EXOC4: variants seen among roughly 807,000 people sequenced by gnomAD.
EXOC4 encodes the protein exocyst complex component 4.
A neutral mutation model predicts 107.2 loss-of-function variants in EXOC4; 71 were observed. That is an observed-to-expected ratio of 0.66 (90% confidence interval 0.55 to 0.81). The LOEUF is 0.81. Ranked by LOEUF, EXOC4 falls within the 30% of genes least tolerant of loss-of-function variation. The pLI is 0.00. For missense variants in EXOC4, 1,108 were observed against 1,189.6 expected (o/e 0.93, Z 1.01); for synonymous variants, 456 against 441.2 (o/e 1.03, Z -0.42).
intron 6 of EXOC4, among the ~76,000 whole-genome samples, chr7:133,372,138 C>T (rs2150685208): frequency 6.6e-6 from 1 of 152,246 alleles, no homozygotes; most frequent in East Asian, 1.9e-4. Flanking sequence ...TAATGATTTA[C>T]AAATATTTTC....
At chr7:134,007,954 G>A in intron 17 of EXOC4, 119 bp downstream of exon 17, 3 of 922,314 alleles carry the variant, frequency 3.3e-6, no homozygotes, top group Non-Finnish European at 4.7e-6. Context: ...AAAGAAAGAA[G>A]CACAGATAGA....
rs751410958 is a variant in EXOC4, at chr7:133,629,467, C to T, written c.1418-578C>T. ...AGCCTTGCACTGTTCCTTTAAATGT[C>T]GCATTTATTCTTACTGTGAGTCCAT... is the stretch of plus-strand genomic sequence containing the variant. On this transcript the variant is annotated intron_variant, in intron 9 of 17. Transcript: ENST00000253861. Among the ~76,000 whole-genome samples the T allele has an allele frequency of 7.2e-5, 11 of 152,112 alleles. No individual in the cohort carries two copies. In the East Asian group the frequency reaches 7.7e-4, roughly 11 times the overall value.
intron 7 of EXOC4, among the ~76,000 whole-genome samples, chr7:133,381,065 G>GTT (rs2150700845): frequency 6.6e-6 from 1 of 152,054 alleles, no homozygotes; most frequent in South Asian, 2.1e-4. Flanking sequence ...TCTGTTGATT[G>GTT]TTTCTTAACT....
intron 9 of EXOC4, among the ~76,000 whole-genome samples, chr7:133,581,583 C>A (rs905863679): frequency 7.3e-5 from 11 of 151,220 alleles, no homozygotes; most frequent in African/African-American, 1.9e-4. Flanking sequence ...ACGGTGAAAC[C>A]CCGTCTCTAC....
intron 11 of EXOC4, among the ~76,000 whole-genome samples, chr7:133,846,575 T>C (rs1248016958): frequency 6.6e-6 from 1 of 152,250 alleles, no homozygotes; most frequent in East Asian, 1.9e-4. Flanking sequence ...TACTTTTGTT[T>C]CTAGGAATTC....
chr7:133,479,920 C>A, intron 8 of EXOC4, 130 bp from the exon 9 acceptor site: 2 of 768,232 alleles, frequency 2.6e-6, no homozygotes, highest in Admixed American at 2.1e-5. Context: ...CATGGTATAG[C>A]CAAAGTGTCT....
chr7:133,401,844 G>T (rs775573940), intron 7 of EXOC4, among the ~76,000 whole-genome samples: 1 of 151,784 alleles, frequency 6.6e-6, no homozygotes, highest in African/African-American at 2.4e-5. Context: ...TATTTTAATA[G>T]ATGTGCTATT....
At chr7:133,734,863 T>C (rs575686295) in intron 10 of EXOC4, among the ~76,000 whole-genome samples, 8 of 151,774 alleles carry the variant, frequency 5.3e-5, no homozygotes, top group African/African-American at 1.9e-4. Context: ...TCATGCAACT[T>C]TTTGAAATAT....
chr7:133,637,382 A>C (rs997040527), intron 10 of EXOC4, among the ~76,000 whole-genome samples: 1 of 152,136 alleles, frequency 6.6e-6, no homozygotes, highest in African/African-American at 2.4e-5. Context: ...TACCCATGTC[A>C]GTTTGATGTG....
At chr7:133,578,957 C>T (rs1190736018) in intron 9 of EXOC4, among the ~76,000 whole-genome samples, 2 of 152,062 alleles carry the variant, frequency 1.3e-5, no homozygotes, top group Non-Finnish European at 2.9e-5. Flanking sequence ...TTCTTGTGCT[C>T]GGTAGCTCTT....
At chr7:134,001,472 C>CT (rs61593512) in intron 15 of EXOC4, among the ~76,000 whole-genome samples, 80 of 150,944 alleles carry the variant, frequency 5.3e-4, no homozygotes, top group Non-Finnish European at 9.6e-4. Flanking sequence ...ATTTTAATTT[C>CT]TTTTTTTTTT....
chr7:133,903,356 A>G (rs1351920577), intron 12 of EXOC4, among the ~76,000 whole-genome samples: 1 of 152,210 alleles, frequency 6.6e-6, no homozygotes, highest in African/African-American at 2.4e-5. Context: ...GAGACCACCT[A>G]AAGGCCACAG....
At chr7:133,828,627 C>G (rs972362709) in intron 11 of EXOC4, among the ~76,000 whole-genome samples, 3 of 152,146 alleles carry the variant, frequency 2.0e-5, no homozygotes, top group East Asian at 1.9e-4. Context: ...TTTCAAGGAT[C>G]CTGCCCTACT....
At chr7:133,620,102 A>C (rs1802292577) in intron 9 of EXOC4, among the ~76,000 whole-genome samples, 1 of 151,732 alleles carries the variant, frequency 6.6e-6, no homozygotes, top group African/African-American at 2.4e-5. Context: ...GGTTTACTGC[A>C]ACTTCCACTT....
intron 10 of EXOC4, among the ~76,000 whole-genome samples, chr7:133,780,828 C>G (rs767925768): frequency 1.3e-5 from 2 of 152,174 alleles, no homozygotes; most frequent in African/African-American, 4.8e-5. Flanking sequence ...AAAGGGGGCA[C>G]TTCCATGGCT....
chr7:133,357,009 CAAACTTTGATTG>C (rs1796036543), intron 6 of EXOC4, among the ~76,000 whole-genome samples: 1 of 152,178 alleles, frequency 6.6e-6, no homozygotes, highest in African/African-American at 2.4e-5. Context: ...ATAGCCCATA[CAAACTTTGATTG>C]GTAAAACAGC....
Position 133,580,517 on chromosome 7 carries a change from TTAATA to T in EXOC4, c.1418-49525_1418-49521del, listed in dbSNP as rs1376236659. Among the ~76,000 whole-genome samples, 4 of 152,202 alleles carry T rather than the reference TTAATA, an allele frequency of 2.6e-5. No homozygotes were observed. In the East Asian group the frequency reaches 7.7e-4, roughly 29 times the overall value. The stretch of plus-strand genomic sequence containing the variant: ...CTCGCCAACGCTCCTACATTTCTGT[TTAATA>T]TATTGATTTTTAAGTTACAAAAGTT... On this transcript the variant is annotated intron_variant, in intron 9 of 17. Transcript: ENST00000253861.
intron 7 of EXOC4, among the ~76,000 whole-genome samples, chr7:133,432,392 A>G (rs1375513252): frequency 1.3e-5 from 2 of 152,198 alleles, no homozygotes; most frequent in Non-Finnish European, 2.9e-5. Context: ...TTGGTGAGCT[A>G]ATGTATGGGA....
intron 9 of EXOC4, among the ~76,000 whole-genome samples, chr7:133,591,691 G>T (rs1801551399): frequency 6.6e-6 from 1 of 152,054 alleles, no homozygotes; most frequent in African/African-American, 2.4e-5. Flanking sequence ...ATATGAATTT[G>T]TTGAGACTAA....
Sources: gnomAD v4.1 joint callset for allele counts (sites outside exome capture counted in the v4.1 genomes callset) on GRCh38, gnomAD v4.1.1 for gene constraint, MANE v1.5 for transcripts, NCBI Gene and HGNC (gene_info 2026-07-23, HGNC 2026-07-21) for gene names.